LEMD3: variants seen among roughly 807,000 people sequenced by gnomAD.
The protein encoded by LEMD3 is inner nuclear membrane protein Man1.
LEMD3 carries 33 observed loss-of-function variants against 95.2 expected under a neutral mutation model. The observed-to-expected ratio is 0.35, with a 90% CI of 0.26 to 0.46. The LOEUF (loss-of-function observed/expected upper bound fraction) is 0.46, where lower values mean the gene tolerates loss of function less well. Ranked by LOEUF, LEMD3 falls within the 20% of genes least tolerant of loss-of-function variation. The pLI is 1.00. For missense variants in LEMD3, 1,210 were observed against 1,192.8 expected (o/e 1.01, Z -0.21); for synonymous variants, 525 against 474.6 (o/e 1.11, Z -1.38).
At chr12:65,182,692 G>A (rs924960192) in intron 1 of LEMD3, among the ~76,000 whole-genome samples, 1 of 152,110 alleles carries the variant, frequency 6.6e-6, no homozygotes, top group Non-Finnish European at 1.5e-5. Context: ...ATCACTAAAA[G>A]GTAGATTTGC....
chr12:65,170,823 T>G lies in LEMD3; in HGVS notation c.1227T>G (p.Ser409Arg). Reference sequence around the variant, plus strand: ...ACTCCCCCAGGATTTATTCTAACAGTCTCCCTCCCAGTGCGGCGGTGGCCG... The same window carrying G: ...ACTCCCCCAGGATTTATTCTAACAGGCTCCCTCCCAGTGCGGCGGTGGCCG... Reference protein sequence around the residue: ...SVDSPRIYSNSLPPSAAVAAS... With the variant: ...SVDSPRIYSNRLPPSAAVAAS... Residue 409 changes from serine (S) to arginine (R), a missense_variant, in exon 1 of 13, where the codon AGT (serine) becomes AGG (arginine). By Grantham distance (110) the Ser-to-Arg change is moderately radical. Around this residue, in one of 2 missense-constraint regions of LEMD3, gnomAD observed 749 missense variants for 622.9 expected, o/e 1.20. Transcript: ENST00000308330. 2.5e-6 allele frequency: 4 copies of G among 1,614,132 alleles called. No homozygotes were observed. The highest frequency in any genetic ancestry group is 1.6e-4 in the Middle Eastern group (1 of 6,062).
chr12:65,230,183 C>A (rs766172446), intron 4 of LEMD3, among the ~76,000 whole-genome samples: 6 of 152,084 alleles, frequency 3.9e-5, no homozygotes, highest in Non-Finnish European at 7.4e-5. Context: ...TATGCCAGTA[C>A]CATGCTGTTT....
rs150176162 is a variant in LEMD3, at chr12:65,222,492, A to G, written c.1695+3873A>G. On this transcript the variant is annotated intron_variant, in intron 4 of 12. Transcript: ENST00000308330. ...TTTTCAATTTTTCAGAAGAATTTGA[A>G]TAGGATTGGCATTAATTCTTCTTTA... Among the ~76,000 whole-genome samples the G allele has an allele frequency of 2.3e-3, 350 of 152,340 alleles. 4 individuals are homozygous for G. The highest frequency in any genetic ancestry group is 4.4e-3 in the Admixed American group (67 of 15,306).
chr12:65,230,386 G>A lies in LEMD3; in HGVS notation c.1696-8116G>A, dbSNP rs116576359. Among the ~76,000 whole-genome samples the A allele has an allele frequency of 2.0e-3, 300 of 152,068 alleles. 1 individual carries two copies. The highest frequency in any genetic ancestry group is 7.0e-3 in the African/African-American group (290 of 41,464). The stretch of plus-strand genomic sequence containing the variant: ...TGAATCTATACATAGATTATTTTTG[G>A]TAGTGTAGTTTTCATAATCTTCTAA... On this transcript the variant is annotated intron_variant, in intron 4 of 12. Transcript: ENST00000308330.
chr12:65,174,713 G>A (rs913573400), intron 1 of LEMD3, among the ~76,000 whole-genome samples: 2 of 152,006 alleles, frequency 1.3e-5, no homozygotes, highest in African/African-American at 4.8e-5. Context: ...TATGTGCCCG[G>A]TATTATTTTA....
rs191295492 is a variant in LEMD3 at position 65,236,763 on chromosome 12, G to T, written c.1696-1739G>T. 6.6e-3 allele frequency among the ~76,000 whole-genome samples: 998 copies of T among 151,986 alleles called. 4 individuals are homozygous for T. The highest frequency in any genetic ancestry group is 9.3e-3 in the Non-Finnish European group (634 of 67,956). On this transcript the variant is annotated intron_variant, in intron 4 of 12. Transcript: ENST00000308330. ...CATATTCTAAATGTTCATTAATAAG[G>T]TGTTGATTAAAAGTATAGAATAATC...
chr12:65,175,518 A>G (rs1472064515), intron 1 of LEMD3, among the ~76,000 whole-genome samples: 4 of 152,076 alleles, frequency 2.6e-5, no homozygotes, highest in African/African-American at 9.7e-5. Flanking sequence ...TCAATTTTCA[A>G]ATCCTCATCT....
chr12:65,206,872 T>C (rs967061716), intron 1 of LEMD3, among the ~76,000 whole-genome samples: 2 of 152,114 alleles, frequency 1.3e-5, no homozygotes, highest in African/African-American at 4.8e-5. Flanking sequence ...AATTGGAAAG[T>C]TTTAGAGCAT....
At chr12:65,221,479 T>G (rs540683223) in intron 4 of LEMD3, among the ~76,000 whole-genome samples, 60 of 151,994 alleles carry the variant, frequency 3.9e-4, no homozygotes, top group African/African-American at 1.4e-3. Context: ...TGCCTTGGCC[T>G]CCTAAAGCAC....
intron 4 of LEMD3, among the ~76,000 whole-genome samples, chr12:65,235,220 G>A (rs962425520): frequency 2.6e-5 from 4 of 152,050 alleles, no homozygotes; most frequent in Non-Finnish European, 5.9e-5. Flanking sequence ...CAATAATGTT[G>A]TCTTCAGCTA....
chr12:65,216,506 T>TCGC (rs2136339585), intron 3 of LEMD3, among the ~76,000 whole-genome samples: 1 of 152,226 alleles, frequency 6.6e-6, no homozygotes, highest in South Asian at 2.1e-4. Flanking sequence ...CTCTTAGTAA[T>TCGC]TCTTTGAGAG....
At chr12:65,225,274 A>G (rs1033449431) in intron 4 of LEMD3, among the ~76,000 whole-genome samples, 2 of 152,002 alleles carry the variant, frequency 1.3e-5, no homozygotes, top group Admixed American at 1.3e-4. Flanking sequence ...ATGGTTCTTC[A>G]TGTGCCTTGT....
At chr12:65,174,152 A>G (rs1016075662) in intron 1 of LEMD3, among the ~76,000 whole-genome samples, 3 of 152,324 alleles carry the variant, frequency 2.0e-5, no homozygotes, top group Non-Finnish European at 4.4e-5. Context: ...ATAGTAGATT[A>G]GTCTTTTAAA....
At chr12:65,202,989 C>T (rs1869651289) in intron 1 of LEMD3, among the ~76,000 whole-genome samples, 1 of 152,028 alleles carries the variant, frequency 6.6e-6, no homozygotes, top group African/African-American at 2.4e-5. Flanking sequence ...TTCAAGGAAC[C>T]AGCTTCTGGT....
chr12:65,243,144 CT>C (rs59336423), intron 9 of LEMD3, among the ~76,000 whole-genome samples: 11 of 148,370 alleles, frequency 7.4e-5, no homozygotes, highest in East Asian at 3.9e-4. Flanking sequence ...GCTTTTTGTA[CT>C]TTTTTTTTTA....
intron 2 of LEMD3, among the ~76,000 whole-genome samples, chr12:65,211,443 A>C (rs1463733371): frequency 6.6e-6 from 1 of 152,194 alleles, no homozygotes; most frequent in East Asian, 1.9e-4. Context: ...CTATTTCTTT[A>C]ATTTTTTAAA....
intron 1 of LEMD3, among the ~76,000 whole-genome samples, chr12:65,191,446 C>CT (rs1270637225): frequency 6.3e-4 from 96 of 152,076 alleles, no homozygotes; most frequent in Non-Finnish European, 9.6e-4. Flanking sequence ...CTAGAACACT[C>CT]AGTAACATAC....
intron 1 of LEMD3, among the ~76,000 whole-genome samples, chr12:65,197,435 TTCTG>T (rs1172577595): frequency 6.6e-6 from 1 of 152,168 alleles, no homozygotes; most frequent in Admixed American, 6.6e-5. Context: ...ATGCTGAACA[TTCTG>T]TCCATTGTGT....
intron 1 of LEMD3, among the ~76,000 whole-genome samples, chr12:65,183,111 C>T (rs991677725): frequency 3.9e-5 from 6 of 152,098 alleles, no homozygotes; most frequent in East Asian, 1.9e-4. Context: ...AGACCAGAAC[C>T]GTCCAGTAGA....
Sources: gnomAD v4.1 joint callset for allele counts (sites outside exome capture counted in the v4.1 genomes callset) on GRCh38, gnomAD v4.1.1 for gene constraint, gnomAD v4.1.1 regional missense constraint, MANE v1.5 for transcripts, NCBI Gene and HGNC (gene_info 2026-07-23, HGNC 2026-07-21) for gene names.